Variants in GRPR observed in about 807,000 individuals in gnomAD.
The protein encoded by GRPR is gastrin releasing peptide receptor, also known as gastrin-releasing peptide receptor.
In GRPR, 4 loss-of-function variants were observed where a neutral mutation model predicts 15.6. The ratio of observed to expected loss-of-function variants is 0.26; its 90% CI spans 0.13 to 0.59. The LOEUF (loss-of-function observed/expected upper bound fraction) is 0.59, where lower values mean the gene tolerates loss of function less well. Among genes scored for constraint, GRPR ranks in the 20% least tolerant of loss-of-function variants. GRPR has a pLI of 0.90. For synonymous variants in GRPR, 128 were observed against 126.8 expected (o/e 1.01, Z -0.06); for missense variants, 270 against 304.1 (o/e 0.89, Z 0.83).
chrX:16,138,529 A>G (rs957697231), intron 1 of GRPR, among the ~76,000 whole-genome samples: 4 of 112,207 alleles, frequency 3.6e-5, no homozygotes, highest in Non-Finnish European at 7.5e-5. Context: ...ACTTTTTTGA[A>G]TGAAAAACGT....
At chrX:16,124,741 T>A (rs1922263704) in intron 1 of GRPR, among the ~76,000 whole-genome samples, 1 of 112,252 alleles carries the variant, frequency 8.9e-6, no homozygotes, top group Admixed American at 9.4e-5. Context: ...CAAATGTTTT[T>A]TAGGAGCAAT....
At chrX:16,127,278 C>T (rs1262309194) in intron 1 of GRPR, among the ~76,000 whole-genome samples, 2 of 111,387 alleles carry the variant, frequency 1.8e-5, no homozygotes, top group African/African-American at 3.3e-5. Flanking sequence ...CGGGTGAATT[C>T]GAGTCTTTGT....
intron 1 of GRPR, among the ~76,000 whole-genome samples, chrX:16,133,098 AT>A (rs760231644): frequency 1.7e-3 from 186 of 111,307 alleles, no homozygotes; most frequent in Non-Finnish European, 2.6e-3. Context: ...GTTTCATAAT[AT>A]TTTTTCCTTC....
chrX:16,145,217 T>G (rs754971519), intron 1 of GRPR, among the ~76,000 whole-genome samples: 27 of 112,012 alleles, frequency 2.4e-4, no homozygotes, highest in African/African-American at 7.5e-4. Flanking sequence ...GTTGCAGCAC[T>G]GTTCACAATA....
Position 16,152,375 on chromosome X carries a change from C to T in GRPR, c.885C>T (p.Asp295=). Residue 295 remains aspartate, a synonymous_variant, in exon 3 of 3, where the codon GAC becomes GAT. Transcript: ENST00000380289. ...GCTCCTACCACTACTCTGAGGTGGA[C>T]ACCTCCATGCTCCACTTTGTCACCA... ...LYRSYHYSEV[D]TSMLHFVTSI... is the part of the protein sequence containing the mutation. 3 of 1,210,555 alleles carry T rather than the reference C, an allele frequency of 2.5e-6. No homozygotes were observed. Among genetic ancestry groups the T allele is most frequent in the Non-Finnish European group, 3.4e-6 (3 of 894,333 alleles).
chrX:16,140,415 T>C (rs760541027), intron 1 of GRPR, among the ~76,000 whole-genome samples: 17 of 112,197 alleles, frequency 1.5e-4, no homozygotes, highest in African/African-American at 5.5e-4. Flanking sequence ...TATATGTGTT[T>C]GATAAACTGA....
chrX:16,149,784 CAA>C (rs1922665446), intron 1 of GRPR, among the ~76,000 whole-genome samples: 1 of 109,268 alleles, frequency 9.2e-6, no homozygotes, highest in South Asian at 3.9e-4. Flanking sequence ...TTCTTAAAAT[CAA>C]GAGAGAGTGT....
rs768954532 is a variant in GRPR at position 16,150,317 on chromosome X, T to C, written c.426T>C (p.Ile142=). 2 of 1,188,445 alleles carry C rather than the reference T, an allele frequency of 1.7e-6. No individual in the cohort carries two copies. Among genetic ancestry groups the C allele is most frequent in the East Asian group, 3.0e-5 (1 of 33,700 alleles). Residue 142 remains isoleucine, a synonymous_variant, in exon 2 of 3, where the codon ATT becomes ATC. Transcript: ENST00000380289. ...TALSADRYKA[I]VRPMDIQASH... is the part of the protein sequence containing the mutation. ...TTTCCTGCCCTAGATACAAAGCCAT[T>C]GTCCGGCCAATGGATATCCAGGCCT...
intron 1 of GRPR, among the ~76,000 whole-genome samples, chrX:16,134,955 A>G (rs766635021): frequency 9.0e-6 from 1 of 111,363 alleles, no homozygotes; most frequent in East Asian, 2.8e-4. Context: ...AGTACATCCT[A>G]TACTACTACC....
intron 1 of GRPR, among the ~76,000 whole-genome samples, chrX:16,138,894 C>A (rs1922487769): frequency 8.9e-6 from 1 of 111,845 alleles, no homozygotes; most frequent in African/African-American, 3.3e-5. Context: ...CAACAAGTCC[C>A]CTTATTTTTG....
chrX:16,152,032 C>CTCT (rs921473956), intron 2 of GRPR, among the ~76,000 whole-genome samples: 1 of 105,803 alleles, frequency 9.5e-6, no homozygotes, highest in Non-Finnish European at 1.9e-5. Flanking sequence ...GTGTTTCTGA[C>CTCT]TCTTTTTTTT....
At chrX:16,146,338 A>AACTAGTACAT (rs1211584331) in intron 1 of GRPR, among the ~76,000 whole-genome samples, 1 of 111,561 alleles carries the variant, frequency 9.0e-6, no homozygotes, top group Non-Finnish European at 1.9e-5. Context: ...GTACATTCAA[A>AACTAGTACAT]ACTAGTACAT....
chrX:16,138,182 T>G (rs185266630), intron 1 of GRPR, among the ~76,000 whole-genome samples: 2 of 111,853 alleles, frequency 1.8e-5, no homozygotes, highest in East Asian at 5.6e-4. Flanking sequence ...TGTGTTGCAC[T>G]GAAGCTAATT....
intron 1 of GRPR, among the ~76,000 whole-genome samples, chrX:16,146,761 AC>A (rs1435738016): frequency 3.6e-5 from 4 of 111,950 alleles, no homozygotes; most frequent in Non-Finnish European, 7.5e-5. Context: ...GCTATACAAA[AC>A]CATTAGACTT....
At chrX:16,150,728 C>A in intron 2 of GRPR, 72 bp downstream of exon 2, 4 of 615,627 alleles carry the variant, frequency 6.5e-6, no homozygotes, top group East Asian at 6.7e-5. Context: ...ACCCCACTGA[C>A]AAGCCATGAC....
chrX:16,136,568 A>G (rs112290573), intron 1 of GRPR, among the ~76,000 whole-genome samples: 2 of 112,366 alleles, frequency 1.8e-5, no homozygotes, highest in African/African-American at 6.5e-5. Context: ...ATTATCACAA[A>G]TTAATAAGTC....
intron 2 of GRPR, among the ~76,000 whole-genome samples, chrX:16,150,963 C>T (rs1334035328): frequency 8.9e-6 from 1 of 112,105 alleles, no homozygotes; most frequent in Non-Finnish European, 1.9e-5. Context: ...CTTTGAAGCT[C>T]ATGGGGATGT....
Position 16,124,101 on chromosome X carries a change from A to G in GRPR, c.148A>G (p.Ile50Val). Residue 50 changes from isoleucine (I) to valine (V), a missense_variant, in exon 1 of 3, where the codon ATC (isoleucine) becomes GTC (valine). By Grantham distance (29) the Ile-to-Val change is conservative. Transcript: ENST00000380289. ...TGTCATCCCTGCAGTTTATGGGGTT[A>G]TCATTCTGATAGGCCTCATTGGCAA... Reference protein sequence around the residue: ...LYVIPAVYGVIILIGLIGNIT... With the variant: ...LYVIPAVYGVVILIGLIGNIT... 8.3e-7 allele frequency: 1 copy of G among 1,209,583 alleles called. No homozygotes were observed. Among genetic ancestry groups the G allele is most frequent in the Non-Finnish European group, 1.1e-6 (1 of 893,558 alleles).
rs145230773 is a variant in GRPR at position 16,152,560 on chromosome X, G to T, written c.1070G>T (p.Cys357Phe). 20 of 1,204,754 alleles carry T rather than the reference G, an allele frequency of 1.7e-5. No individual in the cohort carries two copies. In the African/African-American group the frequency reaches 3.1e-4, roughly 19 times the overall value. ...CACAGCACTGGAAGGAGTACAACCTGCATGACCTCCCTCAAGAGTACCAAC... is the reference window on the plus strand; with the variant it reads ...CACAGCACTGGAAGGAGTACAACCTTCATGACCTCCCTCAAGAGTACCAAC... ...RSHSTGRSTT[C>F]MTSLKSTNPS... Residue 357 changes from cysteine (C) to phenylalanine (F), a missense_variant, in exon 3 of 3, where the codon TGC (cysteine) becomes TTC (phenylalanine). Coordinates refer to ENST00000380289, the MANE Select transcript of GRPR (RefSeq NM_005314.3).
Sources: allele counts gnomAD v4.1 joint callset (sites outside exome capture counted in the v4.1 genomes callset), GRCh38; gene constraint gnomAD v4.1.1; transcripts MANE v1.5; gene names NCBI Gene and HGNC (gene_info 2026-07-23, HGNC 2026-07-21).